The following ZNF462 variants were observed in gnomAD, a reference collection of about 807,000 sequenced individuals.
ZNF462 encodes zinc finger protein 462.
In ZNF462, 10 loss-of-function variants were observed where a neutral mutation model predicts 201.9. That is an observed-to-expected ratio of 0.05 (90% CI 0.03 to 0.08). The LOEUF is 0.08. Ranked by LOEUF, ZNF462 falls within the 10% of genes least tolerant of loss-of-function variation. The pLI is 1.00. For synonymous variants in ZNF462, 1,227 were observed against 1,193.3 expected (o/e 1.03, Z -0.58); for missense variants, 2,523 against 3,168.3 (o/e 0.80, Z 4.89).
At position 106,930,275 on chromosome 9, in the gene ZNF462, CGAT is replaced by C. The variant is rs1340205851; in HGVS notation, c.5848-247_5848-245del. Among the ~76,000 whole-genome samples the C allele has an allele frequency of 1.3e-5, 2 of 152,098 alleles. No individual in the cohort carries two copies. Among genetic ancestry groups the C allele is most frequent in the Non-Finnish European group, 2.9e-5 (2 of 68,030 alleles). ...AAACCAGATGACTTAGTGGCAGTGA[CGAT>C]GAGCTTCTGCACAGAAATCTTCTCT... is the stretch of plus-strand genomic sequence containing the variant. On this transcript the variant is annotated intron_variant, in intron 3 of 12. Coordinates refer to ENST00000277225, the MANE Select transcript of ZNF462 (RefSeq NM_021224.6). This position sits in a 1 kb window ranked among gnomAD's most constrained non-coding sequence, Gnocchi z 5.8.
In ZNF462 at chr9:106,923,629, G is replaced by A. The variant is rs773209082; in HGVS notation, c.220+26G>A. Reference sequence around the variant, plus strand: ...GTAAATCTATACTAAACTTGGCACGGCCGATGTATTTTAATTGCTCTTGTT... The same window carrying A: ...GTAAATCTATACTAAACTTGGCACGACCGATGTATTTTAATTGCTCTTGTT... On this transcript the variant is annotated intron_variant, in intron 2 of 12. Transcript: ENST00000277225. This position sits in a 1 kb window ranked among gnomAD's most constrained non-coding sequence, Gnocchi z 5.6. 3 of 1,606,012 alleles carry A rather than the reference G, an allele frequency of 1.9e-6. No individual in the cohort carries two copies. Among genetic ancestry groups the A allele is most frequent in the Admixed American group, 1.7e-5 (1 of 59,990 alleles).
At chr9:106,995,152 A>G (rs1308345053) in intron 10 of ZNF462, among the ~76,000 whole-genome samples, 1 of 152,116 alleles carries the variant, frequency 6.6e-6, no homozygotes, top group Non-Finnish European at 1.5e-5. Flanking sequence ...TCTTTCACCT[A>G]GCTTCCTTGA....
At chr9:106,916,572 G>T (rs7046019) in intron 1 of ZNF462, among the ~76,000 whole-genome samples, 83 of 152,322 alleles carry the variant, frequency 5.4e-4, no homozygotes, top group South Asian at 1.7e-3. Context: ...TTAGCTCTGG[G>T]GGGGGAGAAA....
rs953968161 is a variant in ZNF462 at position 106,966,855 on chromosome 9, C to T, written c.6428-5150C>T. 5.3e-5 allele frequency among the ~76,000 whole-genome samples: 8 copies of T among 152,074 alleles called. No homozygotes were observed. Among genetic ancestry groups the T allele is most frequent in the South Asian group, 2.1e-4 (1 of 4,832 alleles). Reference sequence around the variant, plus strand: ...CCAACAAGCCTGTCTTCCAAGTCTGCACAAAAATCTAGCTCAAATATAATT... The same window carrying T: ...CCAACAAGCCTGTCTTCCAAGTCTGTACAAAAATCTAGCTCAAATATAATT... On this transcript the variant is annotated intron_variant, in intron 7 of 12. Coordinates refer to ENST00000277225, the MANE Select transcript of ZNF462 (RefSeq NM_021224.6). The surrounding 1 kb of genome is among the most constrained non-coding windows in gnomAD (Gnocchi z 4.4).
intron 6 of ZNF462, among the ~76,000 whole-genome samples, chr9:106,937,187 T>C (rs1205806583): frequency 6.6e-6 from 1 of 152,110 alleles, no homozygotes; most frequent in Non-Finnish European, 1.5e-5. Context: ...CCACCAGCAA[T>C]ATTCACACAA....
chr9:106,887,358 A>ATCC (rs1828365567), intron 1 of ZNF462, among the ~76,000 whole-genome samples: 1 of 152,128 alleles, frequency 6.6e-6, no homozygotes, highest in African/African-American at 2.4e-5. Flanking sequence ...CATCTACTAA[A>ATCC]TCCTCTCCCT....
Position 106,932,781 on chromosome 9 carries a change from A to T in ZNF462, c.6116+232A>T. 1 of 606,540 alleles carries T rather than the reference A, an allele frequency of 1.6e-6. No individual in the cohort carries two copies. Among genetic ancestry groups the T allele is most frequent in the Non-Finnish European group, 2.9e-6 (1 of 345,706 alleles). 37.6% of individuals were successfully genotyped at this position (606,540 alleles called of 1,614,324 possible). A position where few individuals can be genotyped will look rare whatever the true frequency, so the allele number is the denominator to read the frequency against. On this transcript the variant is annotated intron_variant, in intron 5 of 12. Transcript: ENST00000277225. The surrounding 1 kb of genome is among the most constrained non-coding windows in gnomAD (Gnocchi z 6.8). Reference sequence around the variant, plus strand: ...CAGGCATTTTAAAAATGAGAATTGGAGGAATTGCTATGATTTACCCAAAGG... The same window carrying T: ...CAGGCATTTTAAAAATGAGAATTGGTGGAATTGCTATGATTTACCCAAAGG...
At position 106,974,574 on chromosome 9, in the gene ZNF462, C is replaced by T. The variant is rs753161076; in HGVS notation, c.6832+301C>T. The T allele has an allele frequency of 1.9e-4, 84 of 439,384 alleles. No individual in the cohort carries two copies. The highest frequency in any genetic ancestry group is 2.9e-4 in the Non-Finnish European group (68 of 235,142). The allele number at this position is 439,384 out of a possible 1,614,324, so 27.2% of individuals were successfully genotyped here. A position where few individuals can be genotyped will look rare whatever the true frequency, so the allele number is the denominator to read the frequency against. ...GACAATTCTGCCACCCACAGCCTTG[C>T]GTAGACTGCATAGAAGGAATGAACA... On this transcript the variant is annotated intron_variant, in intron 9 of 12. Coordinates refer to ENST00000277225, the MANE Select transcript of ZNF462 (RefSeq NM_021224.6). The surrounding 1 kb of genome is among the most constrained non-coding windows in gnomAD (Gnocchi z 4.0).
At chr9:106,904,138 TC>T (rs571659378) in intron 1 of ZNF462, among the ~76,000 whole-genome samples, 290 of 151,716 alleles carry the variant, frequency 1.9e-3, no homozygotes, top group African/African-American at 6.6e-3. Flanking sequence ...TGGCGAATTC[TC>T]CCAGCATTTG....
At position 107,012,497 on chromosome 9, in the gene ZNF462, T is replaced by A. The variant is rs1307692296; in HGVS notation, c.*1467T>A. 6.9e-6 allele frequency: 1 copy of A among 144,878 alleles called. No homozygotes were observed. 9.0% of individuals were successfully genotyped at this position (144,878 alleles called of 1,614,324 possible). ...GCTGCCAGCTGCTCTGTCCCCCATA[T>A]CAGCTTTTTCAGGAGGGAGCAGCTT... On this transcript the variant is annotated 3_prime_UTR_variant, in exon 13 of 13. Transcript: ENST00000277225.
intron 1 of ZNF462, among the ~76,000 whole-genome samples, chr9:106,874,404 AG>A (rs1827734777): frequency 6.6e-6 from 1 of 152,218 alleles, no homozygotes; most frequent in Admixed American, 6.5e-5. Context: ...ACTGCTTTGC[AG>A]GAAACAAGGT....
chr9:106,868,402 A>G (rs1360388289), intron 1 of ZNF462, among the ~76,000 whole-genome samples: 2 of 152,214 alleles, frequency 1.3e-5, no homozygotes, highest in African/African-American at 2.4e-5. Flanking sequence ...AAGAAAGGAA[A>G]AGAGGCACTT....
intron 10 of ZNF462, among the ~76,000 whole-genome samples, chr9:106,987,338 A>AT (rs1328905599): frequency 2.6e-5 from 4 of 151,822 alleles, no homozygotes; most frequent in African/African-American, 9.7e-5. Flanking sequence ...GATTTTTTAA[A>AT]TTTTTTTTAT....
intron 9 of ZNF462, among the ~76,000 whole-genome samples, chr9:106,983,751 A>G (rs560850721): frequency 6.6e-6 from 1 of 152,290 alleles, no homozygotes; most frequent in Non-Finnish European, 1.5e-5. Flanking sequence ...GGTGAATGTC[A>G]GTTTCTTTCC....
Position 106,910,322 on chromosome 9 carries a change from C to T in ZNF462, c.-30-13032C>T, listed in dbSNP as rs376204903. Among the ~76,000 whole-genome samples the T allele has an allele frequency of 1.7e-4, 25 of 144,940 alleles. No homozygotes were observed. The East Asian group carries it at 3.8e-3, about 22-fold the overall frequency. On this transcript the variant is annotated intron_variant, in intron 1 of 12. Coordinates refer to ENST00000277225, the MANE Select transcript of ZNF462 (RefSeq NM_021224.6). ...AAATAGATTTTTTCATGGGTCGTTT[C>T]CATGCTACATTTTTCTGTCGTCCTC...
rs561591638 is a variant in ZNF462, at chr9:106,982,484, A to C, written c.6833-1702A>C. Among the ~76,000 whole-genome samples the C allele has an allele frequency of 2.0e-5, 3 of 151,588 alleles. No individual in the cohort carries two copies. The South Asian group carries it at 6.3e-4, about 32-fold the overall frequency. On this transcript the variant is annotated intron_variant, in intron 9 of 12. Coordinates refer to ENST00000277225, the MANE Select transcript of ZNF462 (RefSeq NM_021224.6). ...AAGATTTACTAGTTTATGCCAAAGC[A>C]TTTTTTTTTCTCCGTTTACACCAAA...
intron 7 of ZNF462, among the ~76,000 whole-genome samples, chr9:106,969,035 A>C (rs1197511914): frequency 6.6e-6 from 1 of 152,156 alleles, no homozygotes; most frequent in Non-Finnish European, 1.5e-5. Context: ...TTTAGTGCCC[A>C]AAGTGCTAAA....
In ZNF462 at chr9:107,009,721, G is replaced by A; in HGVS notation, c.7313+53G>A. 1 of 1,417,966 alleles carries A rather than the reference G, an allele frequency of 7.1e-7. No homozygotes were observed. Among genetic ancestry groups the A allele is most frequent in the Non-Finnish European group, 9.8e-7 (1 of 1,015,616 alleles). 87.8% of individuals were successfully genotyped at this position (1,417,966 alleles called of 1,614,324 possible). A position where few individuals can be genotyped will look rare whatever the true frequency, so the allele number is the denominator to read the frequency against. On this transcript the variant is annotated intron_variant, in intron 12 of 12. Coordinates refer to ENST00000277225, the MANE Select transcript of ZNF462 (RefSeq NM_021224.6). The surrounding 1 kb of genome is among the most constrained non-coding windows in gnomAD (Gnocchi z 6.1). Reference sequence around the variant, plus strand: ...TTGTCCAAAGCAAGAGGTAGGGAGGGAGGGAGGGGCTCTTGTTTTGGTTCC... The same window carrying A: ...TTGTCCAAAGCAAGAGGTAGGGAGGAAGGGAGGGGCTCTTGTTTTGGTTCC...
chr9:106,918,618 T>C lies in ZNF462; in HGVS notation c.-30-4736T>C, dbSNP rs561058710. On this transcript the variant is annotated intron_variant, in intron 1 of 12. Coordinates refer to ENST00000277225, the MANE Select transcript of ZNF462 (RefSeq NM_021224.6). Reference sequence around the variant, plus strand: ...AACATTTATAAGTTTACTAGTGCCTTTTTAAAAAAAATCATTTTTCATCTT... The same window carrying C: ...AACATTTATAAGTTTACTAGTGCCTCTTTAAAAAAAATCATTTTTCATCTT... Among the ~76,000 whole-genome samples, 95 of 151,332 alleles carry C rather than the reference T, an allele frequency of 6.3e-4. 1 individual carries two copies. The highest frequency in any genetic ancestry group is 2.3e-3 in the African/African-American group (95 of 40,662).
Sources: allele counts gnomAD v4.1 joint callset (sites outside exome capture counted in the v4.1 genomes callset), GRCh38; gene constraint gnomAD v4.1.1; non-coding constraint Gnocchi (gnomAD v3.1); transcripts MANE v1.5; gene names NCBI Gene and HGNC (gene_info 2026-07-23, HGNC 2026-07-21).